The following CNTN5 variants were observed in gnomAD, a reference collection of about 807,000 sequenced individuals.
CNTN5 encodes contactin-5.
A neutral mutation model predicts 129.1 loss-of-function variants in CNTN5; 77 were observed. The ratio of observed to expected loss-of-function variants is 0.60; its 90% CI spans 0.50 to 0.72. The LOEUF (loss-of-function observed/expected upper bound fraction) is 0.72. Among genes scored for constraint, CNTN5 ranks in the 30% least tolerant of loss-of-function variants. The probability of loss-of-function intolerance (pLI) is 0.00; values close to 1 mark genes in which losing one functional copy is unlikely to be tolerated. For missense variants in CNTN5, 1,478 were observed against 1,328.8 expected (o/e 1.11, Z -1.75); for synonymous variants, 509 against 465.6 (o/e 1.09, Z -1.20).
chr11:99,138,388 G>A (rs1406040481), intron 1 of CNTN5, among the ~76,000 whole-genome samples: 1 of 152,074 alleles, frequency 6.6e-6, no homozygotes, highest in Admixed American at 6.6e-5. Context: ...CAAGCATTTG[G>A]CAGTTATGTT....
chr11:100,080,222 A>G (rs1260243140), intron 13 of CNTN5, among the ~76,000 whole-genome samples: 1 of 152,160 alleles, frequency 6.6e-6, no homozygotes. Context: ...ATAATGGACT[A>G]TAATTCAAAC....
intron 3 of CNTN5, among the ~76,000 whole-genome samples, chr11:99,701,299 A>C (rs1954508424): frequency 6.6e-6 from 1 of 151,274 alleles, no homozygotes; most frequent in Admixed American, 6.6e-5. Context: ...CATCTCAGAA[A>C]GCTGAGTTTG....
chr11:99,434,943 G>T (rs767127152), intron 2 of CNTN5, among the ~76,000 whole-genome samples: 11 of 152,074 alleles, frequency 7.2e-5, no homozygotes, highest in Non-Finnish European at 1.5e-4. Context: ...ATTTAATCTT[G>T]CATCCAATTT....
chr11:99,356,191 C>A (rs942927108), intron 2 of CNTN5, among the ~76,000 whole-genome samples: 9 of 152,010 alleles, frequency 5.9e-5, no homozygotes, highest in Non-Finnish European at 1.0e-4. Context: ...CTTAACCACC[C>A]CCCCCCAACC....
intron 13 of CNTN5, among the ~76,000 whole-genome samples, chr11:100,156,148 A>C (rs998436918): frequency 6.6e-6 from 1 of 152,088 alleles, no homozygotes; most frequent in African/African-American, 2.4e-5. Flanking sequence ...GTTTGTCACA[A>C]ATAGCTCTTA....
intron 13 of CNTN5, among the ~76,000 whole-genome samples, chr11:100,175,245 C>T (rs1947928765): frequency 6.6e-6 from 1 of 152,034 alleles, no homozygotes; most frequent in Non-Finnish European, 1.5e-5. Flanking sequence ...CTTTTAAAAT[C>T]CTCAGGTTTG....
At chr11:99,772,737 C>G (rs1203227345) in intron 3 of CNTN5, among the ~76,000 whole-genome samples, 1 of 151,956 alleles carries the variant, frequency 6.6e-6, no homozygotes, top group Non-Finnish European at 1.5e-5. Flanking sequence ...GAGTTGTATT[C>G]CCTGATATGC....
intron 13 of CNTN5, among the ~76,000 whole-genome samples, chr11:100,090,922 G>T (rs180963162): frequency 6.6e-6 from 1 of 152,002 alleles, no homozygotes; most frequent in African/African-American, 2.4e-5. Context: ...GTCTTGCTCT[G>T]TACAGCATTC....
chr11:99,580,889 G>T lies in CNTN5; in HGVS notation c.55+24620G>T, dbSNP rs1591310946. ...CTTCTGCTAGCTTTTGAATGTGTTTGCTCTTGCTTCTCTAGTTCTTTTAAT... is the reference window on the plus strand; with the variant it reads ...CTTCTGCTAGCTTTTGAATGTGTTTTCTCTTGCTTCTCTAGTTCTTTTAAT... On this transcript the variant is annotated intron_variant, in intron 3 of 24. Transcript: ENST00000524871. 2.8e-5 allele frequency among the ~76,000 whole-genome samples: 4 copies of T among 141,588 alleles called. No homozygotes were observed. The East Asian group carries it at 6.2e-4, about 22-fold the overall frequency. The allele number at this position is 141,588 out of a possible 152,430, so 92.9% of individuals were successfully genotyped here.
intron 16 of CNTN5, among the ~76,000 whole-genome samples, chr11:100,228,802 G>A (rs4143636): frequency 0.82 from 125,381 of 152,106 alleles, 51,892 homozygotes; most frequent in African/African-American, 0.9. Flanking sequence ...TTAGGGTGAG[G>A]TGTACCATGG....
intron 3 of CNTN5, among the ~76,000 whole-genome samples, chr11:99,619,271 TATTAA>T (rs140123248): frequency 0.012 from 1,871 of 152,232 alleles, 40 homozygotes; most frequent in African/African-American, 0.041. Flanking sequence ...ATAGAGCCTA[TATTAA>T]ATTCTAAATT....
At chr11:99,522,041 T>C (rs1032438946) in intron 2 of CNTN5, among the ~76,000 whole-genome samples, 2 of 152,130 alleles carry the variant, frequency 1.3e-5, no homozygotes, top group Admixed American at 6.5e-5. Context: ...TCTATGAGAA[T>C]GTCAACCATG....
At chr11:99,625,923 T>C (rs200387192) in intron 3 of CNTN5, among the ~76,000 whole-genome samples, 88 of 28,204 alleles carry the variant, frequency 3.1e-3, no homozygotes, top group African/African-American at 9.4e-3. Flanking sequence ...TATATATATA[T>C]ACACACACAC....
intron 3 of CNTN5, among the ~76,000 whole-genome samples, chr11:99,557,406 T>C (rs1948707985): frequency 6.6e-6 from 1 of 151,254 alleles, no homozygotes; most frequent in Admixed American, 6.6e-5. Flanking sequence ...TATGGTTATA[T>C]TACTATGCAA....
chr11:99,885,159 A>G (rs548401141), intron 6 of CNTN5, among the ~76,000 whole-genome samples: 66 of 152,144 alleles, frequency 4.3e-4, no homozygotes, highest in Non-Finnish European at 6.9e-4. Flanking sequence ...GCATGTGCCT[A>G]TAGTCCTAGC....
At chr11:99,889,309 TGTGTGTGTGTGTGTGTGTGTGTGTG>T (rs1948985721) in intron 6 of CNTN5, among the ~76,000 whole-genome samples, 1 of 112,424 alleles carries the variant, frequency 8.9e-6, no homozygotes, top group Non-Finnish European at 2.0e-5. Context: ...TGTGTGTGTG[TGTGTGTGTGTGTGTGTGTGTGTGTG>T]TGTGTGTGTG....
At chr11:99,744,308 C>T (rs1224119542) in intron 3 of CNTN5, among the ~76,000 whole-genome samples, 1 of 151,770 alleles carries the variant, frequency 6.6e-6, no homozygotes, top group Non-Finnish European at 1.5e-5. Flanking sequence ...GATTGTAAAC[C>T]TCTGGCCCCC....
chr11:99,152,881 T>C (rs1425243693), intron 1 of CNTN5, among the ~76,000 whole-genome samples: 4 of 152,234 alleles, frequency 2.6e-5, no homozygotes, highest in African/African-American at 9.6e-5. Context: ...GAAAAGGTCA[T>C]ATTTATTTTT....
chr11:99,573,059 A>G (rs1042593148), intron 3 of CNTN5, among the ~76,000 whole-genome samples: 3 of 152,206 alleles, frequency 2.0e-5, no homozygotes, highest in Non-Finnish European at 4.4e-5. Context: ...AACAGTTGTT[A>G]TTGTCAAATG....
Sources: gnomAD v4.1 joint callset for allele counts (sites outside exome capture counted in the v4.1 genomes callset) on GRCh38, gnomAD v4.1.1 for gene constraint, MANE v1.5 for transcripts, NCBI Gene and HGNC (gene_info 2026-07-23, HGNC 2026-07-21) for gene names.